The following C11orf65 variants were observed in gnomAD, a reference collection of about 807,000 sequenced individuals.
The protein encoded by C11orf65 is chromosome 11 open reading frame 65.
A neutral mutation model predicts 35.3 loss-of-function variants in C11orf65; 38 were observed. That is an observed-to-expected ratio of 1.08 (90% CI 0.83 to 1.41). The LOEUF is 1.41. Ranked by LOEUF, C11orf65 falls within the 40% of genes most tolerant of loss-of-function variation. C11orf65 has a pLI of 0.00. For synonymous variants in C11orf65, 105 were observed against 114.4 expected (o/e 0.92, Z 0.53); for missense variants, 370 against 367.1 (o/e 1.01, Z -0.06).
At chr11:108,420,622 A>G (rs968054327) in intron 3 of C11orf65, among the ~76,000 whole-genome samples, 9 of 152,142 alleles carry the variant, frequency 5.9e-5, no homozygotes, top group Non-Finnish European at 1.2e-4. Flanking sequence ...ATTGGGTAGT[A>G]AATCCTTCTT....
chr11:108,368,058 A>G (rs1030136462), intron 2 of C11orf65: 1 of 208,166 alleles, frequency 4.8e-6, no homozygotes. Context: ...AACATCATTA[A>G]TCTACTCTTT....
intron 7 of C11orf65, among the ~76,000 whole-genome samples, chr11:108,387,067 G>GC (rs1418803322): frequency 1.3e-4 from 19 of 149,026 alleles, no homozygotes; most frequent in Admixed American, 3.3e-4. Flanking sequence ...GGGTGACAGA[G>GC]CGAGATCTCA....
At chr11:108,312,549 G>A (rs2136065802) in intron 6 of C11orf65, 2 of 1,386,412 alleles carry the variant, frequency 1.4e-6, no homozygotes, top group South Asian at 2.3e-5. Flanking sequence ...TCATACTTTG[G>A]GTTATTTTGT....
At chr11:108,384,686 T>C (rs1027077958) in intron 8 of C11orf65, among the ~76,000 whole-genome samples, 4 of 151,948 alleles carry the variant, frequency 2.6e-5, no homozygotes, top group African/African-American at 7.3e-5. Context: ...AGTGGGAGAA[T>C]TGCTTGAGCC....
chr11:108,431,895 G>A lies in C11orf65; in HGVS notation c.82-57C>T, dbSNP rs1220937505. 1.5e-5 allele frequency: 16 copies of A among 1,082,966 alleles called. No homozygotes were observed. In the East Asian group the frequency reaches 2.6e-4, roughly 17 times the overall value. The allele number at this position is 1,082,966 out of a possible 1,614,324, so 67.1% of individuals were successfully genotyped here. ...AAACTGGATTTTCTATTTCTACTTC[G>A]CTTTTTGTCTAATCAGGGCAAAAAC... On this transcript the variant is annotated intron_variant, in intron 2 of 8. Transcript: ENST00000393084.
chr11:108,374,243 G>C (rs940639286), intron 2 of C11orf65, among the ~76,000 whole-genome samples: 1 of 152,206 alleles, frequency 6.6e-6, no homozygotes, highest in African/African-American at 2.4e-5. Context: ...ACCCCCCAGT[G>C]GGGCAGACTG....
At chr11:108,312,372 G>A (rs2084236957) in intron 6 of C11orf65, 1 of 1,449,912 alleles carries the variant, frequency 6.9e-7, no homozygotes, top group Non-Finnish European at 9.7e-7. Flanking sequence ...CTTCCAAATA[G>A]TATGTTCTCA....
chr11:108,448,869 G>A (rs2093306076), intron 2 of C11orf65, among the ~76,000 whole-genome samples: 1 of 152,164 alleles, frequency 6.6e-6, no homozygotes, highest in East Asian at 1.9e-4. Context: ...CGACATGATT[G>A]TATATCTAGA....
intron 3 of C11orf65, among the ~76,000 whole-genome samples, chr11:108,422,861 G>A (rs1413670026): frequency 1.3e-5 from 2 of 148,686 alleles, no homozygotes; most frequent in Non-Finnish European, 1.5e-5. Flanking sequence ...CAGCCTGGGC[G>A]ACAGAGCAAG....
intron 2 of C11orf65, among the ~76,000 whole-genome samples, chr11:108,370,105 C>G (rs2091514123): frequency 6.6e-6 from 1 of 151,904 alleles, no homozygotes; most frequent in Non-Finnish European, 1.5e-5. Context: ...TTCCCTTGTT[C>G]CTAATGTCAC....
chr11:108,385,815 T>C (rs2091982247), intron 8 of C11orf65, 105 bp downstream of exon 8: 1 of 874,360 alleles, frequency 1.1e-6, no homozygotes, highest in Admixed American at 2.3e-5. Context: ...TCTAAATTTA[T>C]ATACTATGCA....
chr11:108,344,720 G>T (rs375693646), intron 2 of C11orf65, among the ~76,000 whole-genome samples: 4 of 151,970 alleles, frequency 2.6e-5, no homozygotes, highest in Non-Finnish European at 5.9e-5. Context: ...AATAAGGTTG[G>T]GGGGCGGGTG....
intron 2 of C11orf65, among the ~76,000 whole-genome samples, chr11:108,450,896 A>G (rs948920254): frequency 6.6e-6 from 1 of 152,076 alleles, no homozygotes; most frequent in African/African-American, 2.4e-5. Flanking sequence ...AACAGAACCA[A>G]TTACAAAAAC....
chr11:108,353,999 T>C, intron 2 of C11orf65: 1 of 1,018,958 alleles, frequency 9.8e-7, no homozygotes, highest in Non-Finnish European at 1.5e-6. Context: ...GAGGATTGTT[T>C]GAGCCCAGGA....
chr11:108,344,208 G>A (rs2087984652), intron 2 of C11orf65, among the ~76,000 whole-genome samples: 1 of 152,178 alleles, frequency 6.6e-6, no homozygotes, highest in African/African-American at 2.4e-5. Flanking sequence ...ACAGGGTACA[G>A]TGTAGGTATG....
chr11:108,415,293 G>T (rs1360880798), intron 3 of C11orf65, among the ~76,000 whole-genome samples: 2 of 152,020 alleles, frequency 1.3e-5, no homozygotes. Context: ...CTAATCAACT[G>T]CTTTATTATA....
rs1057521185 is a variant in C11orf65, at chr11:108,332,825, A to G, written c.300-1258T>C. On this transcript the variant is annotated intron_variant, in intron 3 of 3. Coordinates refer to the C11orf65 transcript ENST00000524755. ...CAGAAGTAGGAGACCTCAGATGGTCAGAAGTGTTGAGGCACTTTGTGATGC... is the reference window on the plus strand; with the variant it reads ...CAGAAGTAGGAGACCTCAGATGGTCGGAAGTGTTGAGGCACTTTGTGATGC... 1 of 1,613,356 alleles carries G rather than the reference A, an allele frequency of 6.2e-7. No homozygotes were observed. Among genetic ancestry groups the G allele is most frequent in the Non-Finnish European group, 8.5e-7 (1 of 1,179,586 alleles).
chr11:108,331,707 T>C, intron 3 of C11orf65: 1 of 1,318,076 alleles, frequency 7.6e-7, no homozygotes, highest in Non-Finnish European at 1.0e-6. Context: ...TTACTCATTT[T>C]CTCTCTCTAA....
chr11:108,381,698 C>T (rs1324438905), downstream of C11orf65, among the ~76,000 whole-genome samples: 2 of 152,098 alleles, frequency 1.3e-5, no homozygotes, highest in Non-Finnish European at 2.9e-5. Flanking sequence ...ACTATCTGTA[C>T]CAATGTCTTA....
Sources: gnomAD v4.1 joint callset for allele counts (sites outside exome capture counted in the v4.1 genomes callset) on GRCh38, gnomAD v4.1.1 for gene constraint, MANE v1.5 for transcripts, NCBI Gene and HGNC (gene_info 2026-07-23, HGNC 2026-07-21) for gene names.